The following MAP7 variants were observed in gnomAD, a reference collection of about 807,000 sequenced individuals.
MAP7 encodes the protein microtubule associated protein 7, also known as ensconsin.
In MAP7, 52 loss-of-function variants were observed where a neutral mutation model predicts 94.8. The observed-to-expected ratio is 0.55, with a 90% CI of 0.44 to 0.69. The LOEUF (loss-of-function observed/expected upper bound fraction) is 0.69. MAP7 is among the 30% of genes least tolerant of loss of function. MAP7 has a pLI of 0.00. For missense variants in MAP7, 940 were observed against 964.6 expected (o/e 0.97, Z 0.34); for synonymous variants, 350 against 357.0 (o/e 0.98, Z 0.22).
intron 1 of MAP7, among the ~76,000 whole-genome samples, chr6:136,432,234 A>G (rs1341234272): frequency 6.6e-6 from 1 of 152,188 alleles, no homozygotes; most frequent in Non-Finnish European, 1.5e-5. Flanking sequence ...CAGAGATCCT[A>G]CTGGCTACAG....
At chr6:136,501,636 T>C (rs1293729766) in intron 1 of MAP7, among the ~76,000 whole-genome samples, 2 of 152,224 alleles carry the variant, frequency 1.3e-5, no homozygotes, top group Non-Finnish European at 2.9e-5. Context: ...TTTATCCAAT[T>C]TTTATGCCCA....
chr6:136,394,005 A>C, intron 3 of MAP7, among the ~76,000 whole-genome samples: 1 of 119,372 alleles, frequency 8.4e-6, no homozygotes. Context: ...TTTTTTTGAG[A>C]CAGAGTCTCA....
chr6:136,446,619 A>G (rs1436772088), intron 1 of MAP7, among the ~76,000 whole-genome samples: 1 of 152,208 alleles, frequency 6.6e-6, no homozygotes, highest in East Asian at 1.9e-4. Context: ...TCCTATGACC[A>G]GCTCCAACCT....
At chr6:136,471,558 T>A (rs559154192) in intron 1 of MAP7, among the ~76,000 whole-genome samples, 1 of 142,908 alleles carries the variant, frequency 7.0e-6, no homozygotes, top group African/African-American at 2.8e-5. Context: ...TTGCTGGGGG[T>A]TTTTTTAGCC....
intron 14 of MAP7, 33 bp from the exon 15 acceptor site, chr6:136,359,910 A>G: frequency 6.2e-7 from 1 of 1,611,044 alleles, no homozygotes; most frequent in East Asian, 2.2e-5. Context: ...ACTTTTAAAA[A>G]TTAGAGTTAC....
intron 1 of MAP7, chr6:136,526,328 A>C: frequency 1.0e-6 from 1 of 1,003,020 alleles, no homozygotes; most frequent in Non-Finnish European, 1.2e-6. Flanking sequence ...TACTACAGAC[A>C]CGCAGGGTCT....
At chr6:136,414,102 A>G (rs1386556295) in intron 2 of MAP7, among the ~76,000 whole-genome samples, 2 of 151,372 alleles carry the variant, frequency 1.3e-5, no homozygotes, top group Non-Finnish European at 2.9e-5. Flanking sequence ...ACAAAAAAAA[A>G]ATTAGCCGGG....
intron 2 of MAP7, among the ~76,000 whole-genome samples, chr6:136,414,432 A>T (rs1016535902): frequency 2.0e-5 from 3 of 151,950 alleles, no homozygotes; most frequent in Non-Finnish European, 4.4e-5. Context: ...ATGGAAGTGG[A>T]CATGACGACC....
At chr6:136,480,641 CAAAAAAAAAAAAA>C (rs769951186) in intron 1 of MAP7, among the ~76,000 whole-genome samples, 2 of 20,158 alleles carry the variant, frequency 9.9e-5, no homozygotes, top group South Asian at 4.2e-3. Flanking sequence ...GACTCTGCCT[CAAAAAAAAAAAAA>C]AAAAAAAAAA....
At chr6:136,543,003 A>G (rs902907718) in intron 1 of MAP7, among the ~76,000 whole-genome samples, 1 of 152,230 alleles carries the variant, frequency 6.6e-6, no homozygotes, top group Non-Finnish European at 1.5e-5. Flanking sequence ...ACTCACATAC[A>G]CTGTTTGTAA....
At chr6:136,391,576 C>CAAT (rs1383784554) in intron 3 of MAP7, among the ~76,000 whole-genome samples, 1 of 151,250 alleles carries the variant, frequency 6.6e-6, no homozygotes, top group Non-Finnish European at 1.5e-5. Flanking sequence ...ACAACAACAA[C>CAAT]AACAACAACC....
In MAP7 at chr6:136,485,585, C is replaced by T. The variant is rs367995997; in HGVS notation, c.68-63786G>A. Among the ~76,000 whole-genome samples the T allele has an allele frequency of 8.7e-3, 797 of 91,202 alleles. 16 individuals carry two copies. The highest frequency in any genetic ancestry group is 0.044 in the African/African-American group (738 of 16,720). The allele number at this position is 91,202 out of a possible 152,430, so 59.8% of individuals were successfully genotyped here. A position where few individuals can be genotyped will look rare whatever the true frequency, so the allele number is the denominator to read the frequency against. ...TTTTTTTTTTTTTTTTTTTTTGAGA[C>T]GGAGTCTCGCTCTGTCGCCCAGGCT... On this transcript the variant is annotated intron_variant, in intron 1 of 17. Transcript: ENST00000354570.
chr6:136,469,597 G>A (rs990592922), intron 1 of MAP7, among the ~76,000 whole-genome samples: 2 of 152,088 alleles, frequency 1.3e-5, no homozygotes, highest in Non-Finnish European at 2.9e-5. Flanking sequence ...ATGTTGCCCA[G>A]GCTGGTCTTG....
chr6:136,431,519 TATTTATTTA>T (rs199647056), intron 1 of MAP7, among the ~76,000 whole-genome samples: 3,037 of 151,272 alleles, frequency 0.02, 80 homozygotes, highest in African/African-American at 0.046. Flanking sequence ...TTTATTTATT[TATTTATTTA>T]ATTTTTTGAG....
intron 1 of MAP7, among the ~76,000 whole-genome samples, chr6:136,454,272 G>GATCGATCGATCT (rs1554258958): frequency 3.8e-4 from 54 of 141,472 alleles, no homozygotes; most frequent in African/African-American, 1.4e-3. Flanking sequence ...CTACCTAAAT[G>GATCGATCGATCT]ATCTATCTAT....
intron 1 of MAP7, among the ~76,000 whole-genome samples, chr6:136,479,631 A>G (rs968516571): frequency 6.6e-6 from 1 of 152,214 alleles, no homozygotes; most frequent in African/African-American, 2.4e-5. Flanking sequence ...CCAAAATACT[A>G]TTATAACTGA....
intron 1 of MAP7, among the ~76,000 whole-genome samples, chr6:136,422,274 A>G (rs141820997): frequency 1.4e-3 from 208 of 152,250 alleles, no homozygotes; most frequent in South Asian, 2.9e-3. Flanking sequence ...CCCTAACTGA[A>G]TATTATGTAA....
intron 3 of MAP7, among the ~76,000 whole-genome samples, chr6:136,400,035 T>G (rs1783607649): frequency 6.6e-6 from 1 of 152,122 alleles, no homozygotes; most frequent in South Asian, 2.1e-4. Context: ...AACCATGGAA[T>G]GAATGGTACT....
intron 1 of MAP7, among the ~76,000 whole-genome samples, chr6:136,477,731 A>C (rs1436048016): frequency 1.3e-5 from 2 of 152,204 alleles, no homozygotes; most frequent in Non-Finnish European, 2.9e-5. Context: ...TCAACACCAC[A>C]ATTTCAGCAC....
Sources: gnomAD v4.1 joint callset for allele counts (sites outside exome capture counted in the v4.1 genomes callset) on GRCh38, gnomAD v4.1.1 for gene constraint, MANE v1.5 for transcripts, NCBI Gene and HGNC (gene_info 2026-07-23, HGNC 2026-07-21) for gene names.